Variants in TMEM130 observed in about 807,000 individuals in gnomAD.
The protein encoded by TMEM130 is transmembrane protein 130.
TMEM130 carries 37 observed loss-of-function variants against 42.9 expected under a neutral mutation model. That is an observed-to-expected ratio of 0.86 (90% CI 0.66 to 1.13). The LOEUF is 1.13. TMEM130 is among the 50% of genes most tolerant of loss of function. The pLI is 0.00. For synonymous variants in TMEM130, 259 were observed against 237.7 expected (o/e 1.09, Z -0.82); for missense variants, 545 against 562.6 (o/e 0.97, Z 0.32).
chr7:98,853,434 C>A (rs370940289), intron 5 of TMEM130, among the ~76,000 whole-genome samples: 2 of 152,120 alleles, frequency 1.3e-5, no homozygotes, highest in African/African-American at 4.8e-5. Context: ...TTGAAACCAG[C>A]CTGGCCGACA....
At chr7:98,857,825 A>G (rs1286503472) in intron 3 of TMEM130, among the ~76,000 whole-genome samples, 3 of 151,550 alleles carry the variant, frequency 2.0e-5, no homozygotes, top group Non-Finnish European at 4.4e-5. Context: ...ACCCGGTTCA[A>G]ACGATTCTCC....
In TMEM130 at chr7:98,869,841, C is replaced by T; in HGVS notation, c.21G>A (p.Ser7=). Residue 7 remains serine (S), a synonymous_variant, in exon 1 of 8, where the codon TCG becomes TCA. Transcript: ENST00000339375. The surrounding 1 kb of genome is among the most constrained non-coding windows in gnomAD (Gnocchi z 4.7). MAQAVW[S]RLGRILWLAC... is the part of the protein sequence containing the mutation. ...CAAGCCAGAGGATGCGGCCGAGGCG[C>T]GACCACACTGCCTGGGCCATTGCGG... The T allele has an allele frequency of 1.4e-6, 2 of 1,443,076 alleles. No individual in the cohort carries two copies. Among genetic ancestry groups the T allele is most frequent in the African/African-American group, 1.5e-5 (1 of 67,976 alleles). 89.4% of individuals were successfully genotyped at this position (1,443,076 alleles called of 1,614,324 possible).
intron 6 of TMEM130, 132 bp downstream of exon 6, chr7:98,851,289 C>T (rs1388174959): frequency 1.5e-5 from 13 of 866,682 alleles, no homozygotes; most frequent in Non-Finnish European, 2.1e-5. Context: ...ATGGATGGTG[C>T]TGATGCTAGC....
At chr7:98,860,483 C>T (rs1794747078) in intron 2 of TMEM130, 145 bp from the exon 3 acceptor site, 2 of 806,484 alleles carry the variant, frequency 2.5e-6, no homozygotes, top group Non-Finnish European at 1.9e-6. Flanking sequence ...AGAGGGGACA[C>T]CCCCCTACAA....
chr7:98,860,208 C>T lies in TMEM130; in HGVS notation c.522G>A (p.Leu174=). 1 of 1,613,836 alleles carries T rather than the reference C, an allele frequency of 6.2e-7. No individual in the cohort carries two copies. The highest frequency in any genetic ancestry group is 2.2e-5 in the East Asian group (1 of 44,878). ...CCCCGAAGTCCCAGCTGTAGAGAAA[C>T]AAGGCGGTCTTGAGGAAGTTGCTCG... ...HDPSNFLKTA[L]FLYSWDFGDG... is the part of the protein sequence containing the mutation. The change falls in exon 3 of 8, where the codon TTG becomes TTA. Residue 174 remains leucine, a synonymous_variant. Transcript: ENST00000339375.
intron 1 of TMEM130, among the ~76,000 whole-genome samples, chr7:98,868,821 A>G (rs1335263993): frequency 1.3e-5 from 2 of 152,178 alleles, no homozygotes; most frequent in East Asian, 1.9e-4. Context: ...AATCAACCTG[A>G]TGGACAAGAG....
chr7:98,850,167 G>A (rs1794453296), intron 6 of TMEM130, among the ~76,000 whole-genome samples: 1 of 145,696 alleles, frequency 6.9e-6, no homozygotes, highest in African/African-American at 2.5e-5. Context: ...TACCACATCA[G>A]CTTCCCGAGT....
At chr7:98,855,016 A>T (rs543110953) in intron 5 of TMEM130, among the ~76,000 whole-genome samples, 80 of 152,362 alleles carry the variant, frequency 5.3e-4, no homozygotes, top group African/African-American at 1.9e-3. Context: ...AGCCTGGGCG[A>T]AAGAGCGAGA....
chr7:98,851,306 T>C, intron 6 of TMEM130, 115 bp downstream of exon 6: 3 of 1,056,644 alleles, frequency 2.8e-6, no homozygotes, highest in Non-Finnish European at 4.3e-6. Context: ...TAGCGGGCTT[T>C]GTTGCTGAGG....
chr7:98,848,173 G>A lies in TMEM130; in HGVS notation c.1155C>T (p.Cys385=). The A allele has an allele frequency of 6.2e-7, 1 of 1,614,104 alleles. No homozygotes were observed. The highest frequency in any genetic ancestry group is 8.5e-7 in the Non-Finnish European group (1 of 1,180,000). The part of the protein sequence containing the change: ...PEPPSGVRCC[C]QMCCGPFLLE... The stretch of plus-strand genomic sequence containing the variant: ...GCAAGAAAGGCCCACAGCACATCTG[G>A]CAGCAGCACCTGACCCCAGAGGGTG... Residue 385 remains cysteine, a synonymous_variant, in exon 8 of 8, where the codon TGC becomes TGT. Coordinates refer to ENST00000339375, the MANE Select transcript of TMEM130 (RefSeq NM_152913.3).
intron 3 of TMEM130, among the ~76,000 whole-genome samples, chr7:98,856,919 A>AT (rs1481140512): frequency 6.9e-6 from 1 of 144,144 alleles, no homozygotes; most frequent in Admixed American, 6.9e-5. Context: ...TTTTTTTTTT[A>AT]TTTTTTATTT....
intron 3 of TMEM130, among the ~76,000 whole-genome samples, chr7:98,858,318 A>T (rs1584239857): frequency 6.6e-6 from 1 of 151,926 alleles, no homozygotes; most frequent in Admixed American, 6.6e-5. Context: ...AGGCGGGAGG[A>T]TGGCTTGAGG....
At chr7:98,857,893 TTTTG>T (rs1324289446) in intron 3 of TMEM130, among the ~76,000 whole-genome samples, 4 of 151,446 alleles carry the variant, frequency 2.6e-5, no homozygotes, top group African/African-American at 4.8e-5. Flanking sequence ...CCTGGCTAAT[TTTTG>T]TTTGTTTGTT....
chr7:98,867,842 T>C (rs976822750), intron 1 of TMEM130, among the ~76,000 whole-genome samples: 45 of 152,186 alleles, frequency 3.0e-4, no homozygotes, highest in African/African-American at 9.9e-4. Flanking sequence ...GTCTCAGGGA[T>C]GGCCAGGACA....
chr7:98,848,518 C>A (rs1794415267), intron 7 of TMEM130, 65 bp downstream of exon 7: 1 of 1,188,040 alleles, frequency 8.4e-7, no homozygotes, highest in Non-Finnish European at 1.3e-6. Flanking sequence ...GGCCCCCATA[C>A]CCTCTCTAAA....
At chr7:98,855,565 G>C (rs1173508866) in intron 4 of TMEM130, among the ~76,000 whole-genome samples, 2 of 152,222 alleles carry the variant, frequency 1.3e-5, no homozygotes, top group Non-Finnish European at 2.9e-5. Context: ...CCTGCCCATT[G>C]CCAAGTCATC....
Position 98,869,817 on chromosome 7 carries a change from A to G in TMEM130, c.45T>C (p.Leu15=). 1 of 1,444,920 alleles carries G rather than the reference A, an allele frequency of 6.9e-7. No individual in the cohort carries two copies. The highest frequency in any genetic ancestry group is 9.1e-7 in the Non-Finnish European group (1 of 1,099,470). 89.5% of individuals were successfully genotyped at this position (1,444,920 alleles called of 1,614,324 possible). ...CCGGGGCCCAGGGCAGGAGGCAGGCAAGCCAGAGGATGCGGCCGAGGCGCG... is the reference window on the plus strand; with the variant it reads ...CCGGGGCCCAGGGCAGGAGGCAGGCGAGCCAGAGGATGCGGCCGAGGCGCG... ...VWSRLGRILW[L]ACLLPWAPAG... The change falls in exon 1 of 8, where the codon CTT becomes CTC. Residue 15 remains leucine, a synonymous_variant. Transcript: ENST00000339375. This position sits in a 1 kb window ranked among gnomAD's most constrained non-coding sequence, Gnocchi z 4.7.
At chr7:98,850,273 A>ATATATTTTTTTTTTTTTTTTTTTTTTTTT in intron 6 of TMEM130, among the ~76,000 whole-genome samples, 1 of 35,472 alleles carries the variant, frequency 2.8e-5, no homozygotes, top group Non-Finnish European at 6.3e-5. Flanking sequence ...ATATATATAT[A>ATATATTTTTTTTTTTTTTTTTTTTTTTTT]TTTTTTTTTT....
chr7:98,869,308 A>G lies in TMEM130; in HGVS notation c.85+469T>C. 7.8e-7 allele frequency: 1 copy of G among 1,281,418 alleles called. No individual in the cohort carries two copies. Among genetic ancestry groups the G allele is most frequent in the South Asian group, 1.3e-5 (1 of 79,720 alleles). 79.4% of individuals were successfully genotyped at this position (1,281,418 alleles called of 1,614,324 possible). ...AAATTCGCATCTCCCCAAAGCCAGC[A>G]CCAACACGGTGGGAAACCCCTCTAG... On this transcript the variant is annotated intron_variant, in intron 1 of 7. Transcript: ENST00000339375. This position sits in a 1 kb window ranked among gnomAD's most constrained non-coding sequence, Gnocchi z 4.7.
Sources: gnomAD v4.1 joint callset for allele counts (sites outside exome capture counted in the v4.1 genomes callset) on GRCh38, gnomAD v4.1.1 for gene constraint, Gnocchi (gnomAD v3.1) non-coding constraint, MANE v1.5 for transcripts, NCBI Gene and HGNC (gene_info 2026-07-23, HGNC 2026-07-21) for gene names.